The following ARHGAP15 variants were observed in gnomAD, a reference collection of about 807,000 sequenced individuals.
ARHGAP15 encodes the protein rho GTPase-activating protein 15.
In ARHGAP15, 51 loss-of-function variants were observed where a neutral mutation model predicts 63.7. The observed-to-expected ratio is 0.80, with a 90% CI of 0.64 to 1.01. The LOEUF (loss-of-function observed/expected upper bound fraction) is 1.01, where lower values mean the gene tolerates loss of function less well. Ranked by LOEUF, ARHGAP15 falls within the 50% of genes least tolerant of loss-of-function variation. The pLI, the probability that ARHGAP15 is intolerant of heterozygous loss-of-function variation, is 0.00. For synonymous variants in ARHGAP15, 191 were observed against 193.8 expected, an observed-to-expected ratio of 0.99 and a Z score of 0.12; for missense variants, 560 against 564.6, an observed-to-expected ratio of 0.99 and a Z score of 0.08.
chr2:143,272,236 G>C (rs773113067), intron 6 of ARHGAP15, among the ~76,000 whole-genome samples: 7 of 152,214 alleles, frequency 4.6e-5, no homozygotes, highest in Non-Finnish European at 1.0e-4. Context: ...GAGCAGGGCA[G>C]GCCAGAACAT....
intron 10 of ARHGAP15, among the ~76,000 whole-genome samples, chr2:143,547,412 A>C (rs1397450884): frequency 6.6e-6 from 1 of 151,788 alleles, no homozygotes; most frequent in African/African-American, 2.4e-5. Flanking sequence ...ATCATTTTAA[A>C]GGTGGGAATT....
chr2:143,248,294 G>A (rs1364297025), intron 5 of ARHGAP15, among the ~76,000 whole-genome samples: 1 of 152,062 alleles, frequency 6.6e-6, no homozygotes, highest in Non-Finnish European at 1.5e-5. Context: ...AAGATTGGGA[G>A]GTATTCCAGG....
intron 8 of ARHGAP15, among the ~76,000 whole-genome samples, chr2:143,477,540 A>C (rs1253207842): frequency 6.6e-6 from 1 of 152,140 alleles, no homozygotes; most frequent in Non-Finnish European, 1.5e-5. Flanking sequence ...ATACACAAAA[A>C]TCCTTGGCAT....
At chr2:143,255,707 C>A (rs376269070) in intron 6 of ARHGAP15, among the ~76,000 whole-genome samples, 1 of 151,940 alleles carries the variant, frequency 6.6e-6, no homozygotes, top group Non-Finnish European at 1.5e-5. Context: ...AAAATAAATC[C>A]GAGCTTTTAC....
intron 11 of ARHGAP15, among the ~76,000 whole-genome samples, chr2:143,568,895 G>A (rs1696340367): frequency 6.6e-6 from 1 of 152,094 alleles, no homozygotes. Flanking sequence ...CTATCATTCT[G>A]AGCAAACTAT....
intron 6 of ARHGAP15, among the ~76,000 whole-genome samples, chr2:143,407,340 T>C (rs1000407848): frequency 1.3e-5 from 2 of 151,932 alleles, no homozygotes; most frequent in African/African-American, 4.8e-5. Flanking sequence ...TTAATATTTC[T>C]GTGATTTTAT....
chr2:143,166,807 C>T (rs1690558524), intron 2 of ARHGAP15, among the ~76,000 whole-genome samples: 1 of 152,092 alleles, frequency 6.6e-6, no homozygotes, highest in Non-Finnish European at 1.5e-5. Flanking sequence ...CTCCCTTGCG[C>T]ACTTTGACCT....
intron 6 of ARHGAP15, among the ~76,000 whole-genome samples, chr2:143,336,838 G>A (rs752862703): frequency 2.0e-4 from 31 of 152,102 alleles, no homozygotes; most frequent in Non-Finnish European, 3.4e-4. Flanking sequence ...TCACATTTCA[G>A]TTTTATTTAT....
chr2:143,374,708 G>T (rs1004727944), intron 6 of ARHGAP15, among the ~76,000 whole-genome samples: 8 of 152,036 alleles, frequency 5.3e-5, no homozygotes, highest in African/African-American at 9.7e-5. Context: ...TCACTGTGTT[G>T]TCCAGGCTGG....
intron 12 of ARHGAP15, among the ~76,000 whole-genome samples, chr2:143,641,629 A>G (rs2105274067): frequency 6.6e-6 from 1 of 152,216 alleles, no homozygotes; most frequent in Admixed American, 6.5e-5. Context: ...GAAAGATGCA[A>G]TTTTCACACA....
At chr2:143,203,753 GTTTTTAT>G (rs1164850601) in intron 3 of ARHGAP15, among the ~76,000 whole-genome samples, 1 of 151,906 alleles carries the variant, frequency 6.6e-6, no homozygotes, top group African/African-American at 2.4e-5. Context: ...TTGGAGCTCA[GTTTTTAT>G]TTTTTATTTT....
At chr2:143,157,005 T>A (rs1690107999) in intron 2 of ARHGAP15, among the ~76,000 whole-genome samples, 1 of 151,974 alleles carries the variant, frequency 6.6e-6, no homozygotes, top group African/African-American at 2.4e-5. Flanking sequence ...ATGCCTAACA[T>A]ATTTTATTGG....
At chr2:143,327,848 A>G (rs1004474632) in intron 6 of ARHGAP15, among the ~76,000 whole-genome samples, 8 of 152,160 alleles carry the variant, frequency 5.3e-5, no homozygotes, top group African/African-American at 1.9e-4. Flanking sequence ...TTTGCAATCT[A>G]TCCATCTGAC....
intron 8 of ARHGAP15, among the ~76,000 whole-genome samples, chr2:143,442,619 A>T (rs1334887876): frequency 6.6e-6 from 1 of 152,122 alleles, no homozygotes; most frequent in Non-Finnish European, 1.5e-5. Context: ...CATTAATGGG[A>T]AGTGAGTCCT....
chr2:143,588,740 C>T (rs986111062), intron 11 of ARHGAP15, among the ~76,000 whole-genome samples: 2 of 152,136 alleles, frequency 1.3e-5, no homozygotes, highest in Non-Finnish European at 2.9e-5. Context: ...TCTGGGCATG[C>T]CCACCAGGAA....
At chr2:143,726,852 T>C (rs968548588) in intron 13 of ARHGAP15, among the ~76,000 whole-genome samples, 2 of 152,204 alleles carry the variant, frequency 1.3e-5, no homozygotes, top group African/African-American at 4.8e-5. Flanking sequence ...AAGAAAGAAG[T>C]AGAAGACCAC....
chr2:143,655,828 T>A (rs532089892), intron 12 of ARHGAP15, among the ~76,000 whole-genome samples: 1 of 150,736 alleles, frequency 6.6e-6, no homozygotes, highest in African/African-American at 2.5e-5. Flanking sequence ...TAACAAGTGA[T>A]GCCAAAAAAA....
chr2:143,547,435 T>G (rs1455524262), intron 10 of ARHGAP15, among the ~76,000 whole-genome samples: 1 of 152,078 alleles, frequency 6.6e-6, no homozygotes, highest in Non-Finnish European at 1.5e-5. Context: ...ATTAGATGTA[T>G]AGAGGCTATA....
chr2:143,556,363 C>G, intron 10 of ARHGAP15, 45 bp from the exon 11 acceptor site: 2 of 1,428,880 alleles, frequency 1.4e-6, no homozygotes, highest in South Asian at 1.3e-5. Context: ...TAAACCATCT[C>G]AATTCCTATA....
Sources: allele counts gnomAD v4.1 joint callset (sites outside exome capture counted in the v4.1 genomes callset), GRCh38; gene constraint gnomAD v4.1.1; transcripts MANE v1.5; gene names NCBI Gene and HGNC (gene_info 2026-07-23, HGNC 2026-07-21).